The following FRA10AC1 variants were observed in gnomAD, a reference collection of about 807,000 sequenced individuals.
The protein encoded by FRA10AC1 is protein FRA10AC1.
Under a neutral mutation model 56.5 loss-of-function variants are expected in FRA10AC1, and 43 were observed. That is an observed-to-expected ratio of 0.76 (90% CI 0.60 to 0.98). The LOEUF is 0.98. Ranked by LOEUF, FRA10AC1 falls within the 50% of genes least tolerant of loss-of-function variation. FRA10AC1 has a pLI of 0.00. For synonymous variants in FRA10AC1, 112 were observed against 110.5 expected (o/e 1.01, Z -0.09); for missense variants, 346 against 351.8 (o/e 0.98, Z 0.13).
At chr10:93,679,309 G>A (rs1293777595) in intron 11 of FRA10AC1, among the ~76,000 whole-genome samples, 3 of 152,164 alleles carry the variant, frequency 2.0e-5, no homozygotes, top group Non-Finnish European at 4.4e-5. Context: ...ATATAGCAAT[G>A]AACAAAGCAG....
chr10:93,702,829 C>T (rs947002949), upstream of FRA10AC1, among the ~76,000 whole-genome samples: 1 of 151,770 alleles, frequency 6.6e-6, no homozygotes, highest in Admixed American at 6.6e-5. Context: ...CTGCTTAGCC[C>T]ACGCCTCTCA....
chr10:93,670,837 C>T lies in FRA10AC1; in HGVS notation c.838G>A (p.Glu280Lys). 6.2e-7 allele frequency: 1 copy of T among 1,609,488 alleles called. No individual in the cohort carries two copies. Among genetic ancestry groups the T allele is most frequent in the Non-Finnish European group, 8.5e-7 (1 of 1,176,394 alleles). Residue 280 changes from glutamate (E) to lysine (K), a missense_variant, in exon 13 of 14, where the codon GAG becomes AAG. By Grantham distance (56) the Glu-to-Lys change is moderately conservative. Transcript: ENST00000359204. ...SEDSLLRNSD[E>K]EESASESELW... ...TCAGATTCTGAAGCACTTTCTTCCT[C>T]ATCAGAGTTTCCTGTTCATTTAAAA...
At chr10:93,695,055 T>G in intron 4 of FRA10AC1, 118 bp from the exon 5 acceptor site, 1 of 634,196 alleles carries the variant, frequency 1.6e-6, no homozygotes, top group South Asian at 1.8e-5. Flanking sequence ...TTAAAAATAT[T>G]CACACACTAT....
intron 10 of FRA10AC1, 80 bp from the exon 11 acceptor site, chr10:93,681,678 C>A (rs1221511165): frequency 1.6e-5 from 20 of 1,274,146 alleles, no homozygotes; most frequent in Admixed American, 3.4e-5. Context: ...GAACAAAAAA[C>A]CAAAATCAGT....
chr10:93,702,674 G>C (rs2059365120), upstream of FRA10AC1: 2 of 224,636 alleles, frequency 8.9e-6, no homozygotes, highest in Non-Finnish European at 1.8e-5. Flanking sequence ...GAACAGCTCC[G>C]GGAAACAAGG....
intron 12 of FRA10AC1, chr10:93,673,880 A>G: frequency 3.1e-6 from 1 of 327,492 alleles, no homozygotes; most frequent in South Asian, 2.6e-5. Flanking sequence ...TACAATGCAT[A>G]TGCCAAAACT....
chr10:93,697,594 T>C (rs1589729607), intron 4 of FRA10AC1, among the ~76,000 whole-genome samples: 1 of 152,326 alleles, frequency 6.6e-6, no homozygotes, highest in South Asian at 2.1e-4. Context: ...AGTTGACAAA[T>C]GGCTATAACC....
rs901216981 is a variant in FRA10AC1, at chr10:93,685,463, CAT to C, written c.512-106_512-105del. 5.8e-5 allele frequency: 35 copies of C among 602,996 alleles called. No individual in the cohort carries two copies. In the Admixed American group the frequency reaches 6.7e-4, roughly 11 times the overall value. The allele number at this position is 602,996 out of a possible 1,614,324, so 37.4% of individuals were successfully genotyped here. On this transcript the variant is annotated intron_variant, in intron 8 of 13. Transcript: ENST00000359204. ...GTACTTCTAAAATATGCAAATTAAC[CAT>C]AGTCAGCCTTTAAAAACTGACCAGA...
chr10:93,689,503 A>C (rs2059088995), intron 7 of FRA10AC1, among the ~76,000 whole-genome samples: 1 of 152,144 alleles, frequency 6.6e-6, no homozygotes, highest in East Asian at 1.9e-4. Flanking sequence ...ATGTCTACTG[A>C]AGCACAGCCA....
chr10:93,673,110 T>C (rs551724051), intron 12 of FRA10AC1: 129 of 308,314 alleles, frequency 4.2e-4, no homozygotes, highest in African/African-American at 2.8e-3. Flanking sequence ...ATCCAGTCCA[T>C]GCTGGAACAC....
chr10:93,674,244 G>T (rs1288495991), intron 12 of FRA10AC1: 3 of 152,114 alleles, frequency 2.0e-5, no homozygotes, highest in African/African-American at 7.2e-5. Context: ...ACATTATTAA[G>T]ATTAAATGAG....
At chr10:93,679,593 G>C (rs562678152) in intron 11 of FRA10AC1, among the ~76,000 whole-genome samples, 76 of 152,256 alleles carry the variant, frequency 5.0e-4, no homozygotes, top group Middle Eastern at 3.4e-3. Context: ...AGGCTACATG[G>C]GGGGAGTGTG....
chr10:93,684,993 G>A (rs2058999617), intron 9 of FRA10AC1, among the ~76,000 whole-genome samples: 1 of 152,048 alleles, frequency 6.6e-6, no homozygotes, highest in Non-Finnish European at 1.5e-5. Flanking sequence ...AAGTTAATGG[G>A]GACGGAGCCC....
chr10:93,675,676 A>G (rs1222350547), intron 12 of FRA10AC1: 3 of 375,190 alleles, frequency 8.0e-6, no homozygotes, highest in African/African-American at 4.2e-5. Flanking sequence ...CTGCACTCCA[A>G]CCTGGGTGAA....
chr10:93,688,144 C>A (rs1483010350), intron 7 of FRA10AC1, among the ~76,000 whole-genome samples: 1 of 152,102 alleles, frequency 6.6e-6, no homozygotes, highest in Non-Finnish European at 1.5e-5. Flanking sequence ...AATGGATAAA[C>A]AACTGTGGTA....
At chr10:93,673,481 A>G (rs962215312) in intron 12 of FRA10AC1, 4 of 386,978 alleles carry the variant, frequency 1.0e-5, no homozygotes, top group African/African-American at 6.3e-5. Flanking sequence ...AATTATATAC[A>G]ATTTTTCCTA....
At chr10:93,685,133 A>G (rs1166885102) in intron 9 of FRA10AC1, 113 bp downstream of exon 9, 6 of 617,532 alleles carry the variant, frequency 9.7e-6, no homozygotes, top group South Asian at 1.9e-5. Context: ...AAGAAAAAAG[A>G]GCACTTCCAG....
At chr10:93,694,695 C>G (rs1183870061) in intron 5 of FRA10AC1, among the ~76,000 whole-genome samples, 166 bp downstream of exon 5, 1 of 122,642 alleles carries the variant, frequency 8.2e-6, no homozygotes, top group Non-Finnish European at 1.6e-5. Context: ...GCCTGGGCGA[C>G]AGAGTGAGAC....
intron 1 of FRA10AC1, among the ~76,000 whole-genome samples, chr10:93,700,901 G>A (rs544075543): frequency 3.7e-4 from 57 of 152,218 alleles, no homozygotes; most frequent in African/African-American, 1.3e-3. Flanking sequence ...GCGCCTTGAT[G>A]GCTCACATCC....
Sources: allele counts gnomAD v4.1 joint callset (sites outside exome capture counted in the v4.1 genomes callset), GRCh38; gene constraint gnomAD v4.1.1; transcripts MANE v1.5; gene names NCBI Gene and HGNC (gene_info 2026-07-23, HGNC 2026-07-21).